Variants in FOXN3 observed in about 807,000 individuals in gnomAD.
The protein encoded by FOXN3 is forkhead box N3.
Under a neutral mutation model 38.4 loss-of-function variants are expected in FOXN3, and 7 were observed. The observed-to-expected ratio is 0.18, with a 90% CI of 0.10 to 0.34. FOXN3 has a LOEUF of 0.34. Ranked by LOEUF, FOXN3 falls within the 10% of genes least tolerant of loss-of-function variation. The probability of loss-of-function intolerance (pLI) is 1.00; values close to 1 mark genes in which losing one functional copy is unlikely to be tolerated. For missense variants in FOXN3, 456 were observed against 613.4 expected (o/e 0.74, Z 2.71); for synonymous variants, 230 against 242.2 (o/e 0.95, Z 0.47).
intron 1 of FOXN3, among the ~76,000 whole-genome samples, chr14:89,594,171 T>G (rs549513750): frequency 1.3e-5 from 2 of 152,362 alleles, no homozygotes; most frequent in Admixed American, 6.5e-5. Flanking sequence ...CTATGAACAT[T>G]TCTATCCATA....
At chr14:89,165,235 C>T (rs978804629) in intron 5 of FOXN3, among the ~76,000 whole-genome samples, 6 of 152,210 alleles carry the variant, frequency 3.9e-5, no homozygotes, top group African/African-American at 1.4e-4. Flanking sequence ...CGCCTGTGCT[C>T]ATATCCCAGT....
rs1894852367 is a variant in FOXN3 at position 89,544,682 on chromosome 14, A to G, written c.-15+74346T>C. On this transcript the variant is annotated intron_variant, in intron 1 of 6. Coordinates refer to the FOXN3 transcript ENST00000345097. ...ACGGGGAACAAGTTCTAAGACCCCC[A>G]GTGGATCCCTGAAACCCCAGATAGT... Among the ~76,000 whole-genome samples the G allele has an allele frequency of 2.0e-5, 3 of 152,184 alleles. No homozygotes were observed. In the South Asian group the frequency reaches 6.2e-4, roughly 32 times the overall value.
intron 4 of FOXN3, among the ~76,000 whole-genome samples, chr14:89,270,074 C>T (rs1047201077): frequency 1.3e-5 from 2 of 152,176 alleles, no homozygotes; most frequent in African/African-American, 4.8e-5. Flanking sequence ...ATCAGAGGGA[C>T]AGATCACAAG....
intron 3 of FOXN3, among the ~76,000 whole-genome samples, chr14:89,339,775 C>T (rs557530527): frequency 1.3e-5 from 2 of 152,200 alleles, no homozygotes; most frequent in African/African-American, 4.8e-5. Flanking sequence ...TCTGCAGCAC[C>T]AATTCGGGGC....
chr14:89,350,866 T>C, intron 2 of FOXN3, 58 bp from the exon 3 acceptor site: 1 of 1,263,436 alleles, frequency 7.9e-7, no homozygotes. Flanking sequence ...TACTTTGCAA[T>C]AAGTAGATGT....
At chr14:89,533,963 C>T (rs2139840123) in intron 1 of FOXN3, among the ~76,000 whole-genome samples, 1 of 152,034 alleles carries the variant, frequency 6.6e-6, no homozygotes, top group South Asian at 2.1e-4. Flanking sequence ...AAATCAGGGT[C>T]AAGATTTTCA....
At chr14:89,343,606 G>A (rs931058608) in intron 3 of FOXN3, among the ~76,000 whole-genome samples, 2 of 147,776 alleles carry the variant, frequency 1.4e-5, no homozygotes, top group African/African-American at 2.5e-5. Context: ...AAAATCTTTG[G>A]AGAGGCCATT....
chr14:89,325,789 G>A (rs1227902158), intron 3 of FOXN3, among the ~76,000 whole-genome samples: 1 of 152,200 alleles, frequency 6.6e-6, no homozygotes, highest in Non-Finnish European at 1.5e-5. Context: ...CACAAGATGT[G>A]TGTGAGTCCC....
chr14:89,555,270 T>C (rs1475729394), intron 1 of FOXN3, among the ~76,000 whole-genome samples: 3 of 152,206 alleles, frequency 2.0e-5, no homozygotes, highest in African/African-American at 4.8e-5. Context: ...ATGGAACTGC[T>C]TGGCCAAAGA....
intron 1 of FOXN3, among the ~76,000 whole-genome samples, chr14:89,516,451 C>T (rs1894205000): frequency 1.3e-5 from 2 of 151,978 alleles, no homozygotes; most frequent in Non-Finnish European, 2.9e-5. Context: ...TAAGTTCTGA[C>T]TTCTGTGATT....
intron 4 of FOXN3, among the ~76,000 whole-genome samples, chr14:89,274,171 G>A (rs757126495): frequency 1.3e-4 from 20 of 152,166 alleles, no homozygotes; most frequent in Non-Finnish European, 2.4e-4. Context: ...GGATTCATTG[G>A]CCCTTACAGA....
chr14:89,333,771 A>C (rs1399914887), intron 3 of FOXN3, among the ~76,000 whole-genome samples: 6 of 150,236 alleles, frequency 4.0e-5, no homozygotes, highest in South Asian at 2.1e-4. Context: ...AAAAAAAAAA[A>C]AAAAACAGAA....
rs910696323 is a variant in FOXN3, at chr14:89,490,206, C to T, written c.-14-77716G>A. On this transcript the variant is annotated intron_variant, in intron 1 of 6. Transcript: ENST00000345097. ...GAACTTGCCTGAATTCAGCAGCTGCCGTGTCCTCAGCGACGGCTAATGAAT... is the reference window on the plus strand; with the variant it reads ...GAACTTGCCTGAATTCAGCAGCTGCTGTGTCCTCAGCGACGGCTAATGAAT... Among the ~76,000 whole-genome samples the T allele has an allele frequency of 5.3e-5, 8 of 152,218 alleles. No homozygotes were observed. The East Asian group carries it at 1.2e-3, about 22-fold the overall frequency.
At chr14:89,490,872 A>G (rs960127799) in intron 1 of FOXN3, among the ~76,000 whole-genome samples, 2 of 152,252 alleles carry the variant, frequency 1.3e-5, no homozygotes, top group African/African-American at 4.8e-5. Flanking sequence ...CAACAGTTCC[A>G]TTACAGTATT....
At chr14:89,475,412 T>C (rs1243610387) in intron 1 of FOXN3, among the ~76,000 whole-genome samples, 1 of 152,096 alleles carries the variant, frequency 6.6e-6, no homozygotes, top group African/African-American at 2.4e-5. Context: ...TTCCAGCACA[T>C]TGGGAGGCTG....
intron 2 of FOXN3, among the ~76,000 whole-genome samples, chr14:89,391,354 G>T (rs1175536216): frequency 2.0e-5 from 3 of 152,200 alleles, no homozygotes; most frequent in Non-Finnish European, 4.4e-5. Flanking sequence ...CTGAGTCATC[G>T]TGAACAAAGC....
At chr14:89,562,319 G>T (rs1295726380) in intron 1 of FOXN3, among the ~76,000 whole-genome samples, 1 of 152,054 alleles carries the variant, frequency 6.6e-6, no homozygotes, top group African/African-American at 2.4e-5. Flanking sequence ...GGAGTACAGT[G>T]GCGCGATCTT....
Position 89,251,600 on chromosome 14 carries a change from A to C in FOXN3, c.745+29350T>G, listed in dbSNP as rs185379086. 5.9e-5 allele frequency among the ~76,000 whole-genome samples: 9 copies of C among 152,346 alleles called. 1 individual carries two copies. The East Asian group carries it at 1.2e-3, about 20-fold the overall frequency. ...CAGTTACTTTACTGGCATAGGAAAA[A>C]GCCTCCAAATATTAAGAGTACATGG... On this transcript the variant is annotated intron_variant, in intron 4 of 5. Transcript: ENST00000557258.
chr14:89,581,356 C>T (rs1895735038), intron 1 of FOXN3, among the ~76,000 whole-genome samples: 1 of 151,890 alleles, frequency 6.6e-6, no homozygotes, highest in African/African-American at 2.4e-5. Flanking sequence ...GTGGTGTGTG[C>T]CGGTAATCTC....
Sources: gnomAD v4.1 joint callset for allele counts (sites outside exome capture counted in the v4.1 genomes callset) on GRCh38, gnomAD v4.1.1 for gene constraint, MANE v1.5 for transcripts, NCBI Gene and HGNC (gene_info 2026-07-23, HGNC 2026-07-21) for gene names.